TMEM114: variants seen among roughly 807,000 people sequenced by gnomAD.
The protein encoded by TMEM114 is claudin-26.
In TMEM114, 6 loss-of-function variants were observed where a neutral mutation model predicts 6.2. That is an observed-to-expected ratio of 0.97 (90% CI 0.53 to 1.91). TMEM114 has a LOEUF of 1.91. Among genes scored for constraint, TMEM114 ranks in the 40% most tolerant of loss-of-function variants. The pLI is 0.01. For missense variants in TMEM114, 218 were observed against 158.3 expected (o/e 1.38, Z -2.02); for synonymous variants, 104 against 73.0 (o/e 1.42, Z -2.16).
At chr16:8,536,903 T>C (rs569721689), downstream of TMEM114, among the ~76,000 whole-genome samples, 1 of 152,100 alleles carries the variant, frequency 6.6e-6, no homozygotes, top group East Asian at 1.9e-4. Flanking sequence ...GAATCACACA[T>C]TTTTACTTTT....
chr16:8,562,557 T>G (rs542861741), intron 2 of TMEM114, among the ~76,000 whole-genome samples: 38 of 83,688 alleles, frequency 4.5e-4, no homozygotes, highest in Non-Finnish European at 7.9e-4. Context: ...AGTGAGTGCG[T>G]CAATGAGTGA....
the TMEM114 span, among the ~76,000 whole-genome samples, chr16:8,528,244 GCGCA>G: frequency 7.2e-5 from 2 of 27,598 alleles, no homozygotes; most frequent in African/African-American, 1.5e-4. Flanking sequence ...CACCCAAAAT[GCGCA>G]CACACACACA....
At chr16:8,589,027 T>C (rs1902401191) in intron 2 of TMEM114, among the ~76,000 whole-genome samples, 186 bp downstream of exon 2, 1 of 152,008 alleles carries the variant, frequency 6.6e-6, no homozygotes. Flanking sequence ...CCACAAAACG[T>C]TACAGGTGGA....
At chr16:8,570,619 T>G (rs115575641) in intron 3 of TMEM114, among the ~76,000 whole-genome samples, 1 of 152,098 alleles carries the variant, frequency 6.6e-6, no homozygotes, top group Non-Finnish European at 1.5e-5. Context: ...GGCATGTTTG[T>G]GTAATTATTT....
chr16:8,563,641 A>ATGAGTGAGTGAGTAAATGAG (rs147952983), intron 2 of TMEM114, among the ~76,000 whole-genome samples: 1 of 146,618 alleles, frequency 6.8e-6, no homozygotes. Flanking sequence ...GAATGAGTAA[A>ATGAGTGAGTGAGTAAATGAG]TGAGTGAGTG....
intron 2 of TMEM114, among the ~76,000 whole-genome samples, chr16:8,555,926 A>G (rs1278461429): frequency 6.6e-6 from 1 of 152,172 alleles, no homozygotes; most frequent in East Asian, 1.9e-4. Context: ...AGTATCTCCA[A>G]CTGCCTCTTG....
chr16:8,553,796 A>C (rs1367192586), intron 2 of TMEM114, among the ~76,000 whole-genome samples: 3 of 151,338 alleles, frequency 2.0e-5, no homozygotes, highest in African/African-American at 7.3e-5. Context: ...CAGCTTTTCA[A>C]GTTCATTATC....
In TMEM114 at chr16:8,577,731, C is replaced by T. The variant is rs942021502; in HGVS notation, c.302-5507G>A. 4.6e-5 allele frequency among the ~76,000 whole-genome samples: 7 copies of T among 151,852 alleles called. No homozygotes were observed. In the East Asian group the frequency reaches 1.4e-3, roughly 29 times the overall value. ...CCTGAGGAGCTGGGACTATAGGCGCCCGCCATCCCTCCTGGCGAATTTTTG... is the reference window on the plus strand; with the variant it reads ...CCTGAGGAGCTGGGACTATAGGCGCTCGCCATCCCTCCTGGCGAATTTTTG... On this transcript the variant is annotated intron_variant, in intron 2 of 3. Transcript: ENST00000620492.
intron 2 of TMEM114, among the ~76,000 whole-genome samples, chr16:8,563,056 AATGAGTAAGTG>A (rs1901333151): frequency 3.3e-5 from 1 of 30,296 alleles, no homozygotes; most frequent in Non-Finnish European, 6.5e-5. Flanking sequence ...AAATTGAGTG[AATGAGTAAGTG>A]AATGAGTAAG....
chr16:8,579,753 T>C (rs1902071812), intron 2 of TMEM114, among the ~76,000 whole-genome samples: 1 of 152,164 alleles, frequency 6.6e-6, no homozygotes, highest in Non-Finnish European at 1.5e-5. Flanking sequence ...TTAATTCCCA[T>C]TTCACAGGTG....
chr16:8,535,703 C>T (rs1164821728), downstream of TMEM114, among the ~76,000 whole-genome samples: 2 of 152,148 alleles, frequency 1.3e-5, no homozygotes, highest in East Asian at 1.9e-4. Flanking sequence ...GGAACGTCAC[C>T]TGCAAATTTT....
At chr16:8,555,758 T>C (rs1018882880) in intron 2 of TMEM114, among the ~76,000 whole-genome samples, 1 of 152,140 alleles carries the variant, frequency 6.6e-6, no homozygotes, top group African/African-American at 2.4e-5. Context: ...GTTGTCATAA[T>C]TGCAAAGGGG....
intron 2 of TMEM114, among the ~76,000 whole-genome samples, chr16:8,546,756 A>G (rs187936730): frequency 7.4e-4 from 113 of 152,326 alleles, no homozygotes; most frequent in African/African-American, 2.5e-3. Context: ...CCCCATGACA[A>G]CAGCTGCAAT....
In TMEM114 at chr16:8,549,064, C is replaced by G. The variant is rs184243033; in HGVS notation, n.213-11238G>C. On this transcript the variant is annotated intron_variant and non_coding_transcript_variant, in intron 2 of 2. Transcript: ENST00000623677. ...AGACATGGCAGCATGCGCCTGCAGT[C>G]CCAGCTGCTGGGGAGGCTGAGGCAG... Among the ~76,000 whole-genome samples, 111 of 152,040 alleles carry G rather than the reference C, an allele frequency of 7.3e-4. 1 individual carries two copies. The East Asian group carries it at 0.016, about 22-fold the overall frequency.
At chr16:8,563,468 A>C (rs928278553) in intron 2 of TMEM114, among the ~76,000 whole-genome samples, 1 of 151,194 alleles carries the variant, frequency 6.6e-6, no homozygotes, top group African/African-American at 2.5e-5. Context: ...TGAATGAGTA[A>C]GTGAATGAGT....
chr16:8,562,310 G>C (rs1469967130), intron 2 of TMEM114, among the ~76,000 whole-genome samples: 1 of 150,300 alleles, frequency 6.7e-6, no homozygotes, highest in African/African-American at 2.5e-5. Context: ...GTGAGTAAAT[G>C]AGTGAGTGAG....
At chr16:8,560,001 GGTT>G (rs1331345571) in intron 2 of TMEM114, among the ~76,000 whole-genome samples, 1 of 151,940 alleles carries the variant, frequency 6.6e-6, no homozygotes, top group Non-Finnish European at 1.5e-5. Flanking sequence ...ATCTTGTTGT[GGTT>G]GTTGTTGTTT....
At chr16:8,555,612 G>A (rs1167448089) in intron 2 of TMEM114, among the ~76,000 whole-genome samples, 2 of 152,142 alleles carry the variant, frequency 1.3e-5, no homozygotes, top group African/African-American at 2.4e-5. Context: ...AATCTGGTCC[G>A]GGGTCCAGTT....
rs1902434960 is a variant in TMEM114 at position 8,589,982 on chromosome 16, T to C, written c.-144A>G. ...GAGCTCAGATCTGAAAGCCTTTCCT[T>C]TGGACCCCGGGCCCTAGCTTAGACC... On this transcript the variant is annotated 5_prime_UTR_variant, in exon 1 of 4. Coordinates refer to ENST00000620492, the MANE Select transcript of TMEM114 (RefSeq NM_001146336.2). 5.2e-6 allele frequency: 2 copies of C among 384,670 alleles called. No homozygotes were observed. Among genetic ancestry groups the C allele is most frequent in the Admixed American group, 4.5e-5 (1 of 22,208 alleles). The allele number at this position is 384,670 out of a possible 1,614,324, so 23.8% of individuals were successfully genotyped here.
Sources: gnomAD v4.1 joint callset for allele counts (sites outside exome capture counted in the v4.1 genomes callset) on GRCh38, gnomAD v4.1.1 for gene constraint, MANE v1.5 for transcripts, NCBI Gene and HGNC (gene_info 2026-07-23, HGNC 2026-07-21) for gene names.